Variants in TRAPPC9 observed in about 807,000 individuals in gnomAD.
The protein encoded by TRAPPC9 is trafficking protein particle complex subunit 9.
A neutral mutation model predicts 124.0 loss-of-function variants in TRAPPC9; 83 were observed. The observed-to-expected ratio is 0.67, with a 90% CI of 0.56 to 0.80. The LOEUF (loss-of-function observed/expected upper bound fraction) is 0.80. Ranked by LOEUF, TRAPPC9 falls within the 30% of genes least tolerant of loss-of-function variation. The pLI, the probability that TRAPPC9 is intolerant of heterozygous loss-of-function variation, is 0.00. For missense variants in TRAPPC9, 1,302 were observed against 1,508.3 expected, an observed-to-expected ratio of 0.86 and a Z score of 2.27; for synonymous variants, 638 against 617.5, an observed-to-expected ratio of 1.03 and a Z score of -0.49.
At chr8:140,153,012 T>C (rs2061572005) in intron 17 of TRAPPC9, among the ~76,000 whole-genome samples, 1 of 152,218 alleles carries the variant, frequency 6.6e-6, no homozygotes, top group South Asian at 2.1e-4. Flanking sequence ...CTGAGGGTTT[T>C]TCAAAGTTAT....
chr8:140,205,826 C>T (rs1429861299), intron 17 of TRAPPC9, among the ~76,000 whole-genome samples: 2 of 152,222 alleles, frequency 1.3e-5, no homozygotes, highest in Non-Finnish European at 2.9e-5. Context: ...TGCAACCATT[C>T]TTGTCCTTTC....
At chr8:139,853,444 T>G (rs1586991138) in intron 21 of TRAPPC9, among the ~76,000 whole-genome samples, 1 of 151,998 alleles carries the variant, frequency 6.6e-6, no homozygotes, top group African/African-American at 2.4e-5. Flanking sequence ...GCCCCACAGG[T>G]GGAAGGGACT....
At chr8:139,759,736 C>T (rs1333206930) in intron 21 of TRAPPC9, among the ~76,000 whole-genome samples, 1 of 152,214 alleles carries the variant, frequency 6.6e-6, no homozygotes, top group Non-Finnish European at 1.5e-5. Context: ...AACTCTAGAT[C>T]CAGCTGCCAC....
At chr8:140,367,827 G>A (rs936250910) in intron 8 of TRAPPC9, among the ~76,000 whole-genome samples, 1 of 152,160 alleles carries the variant, frequency 6.6e-6, no homozygotes, top group South Asian at 2.1e-4. Flanking sequence ...GCGTCTGCAA[G>A]GGCAGGAGGT....
At chr8:139,769,817 T>C (rs753965196) in intron 21 of TRAPPC9, among the ~76,000 whole-genome samples, 3 of 152,238 alleles carry the variant, frequency 2.0e-5, no homozygotes, top group Non-Finnish European at 2.9e-5. Flanking sequence ...TTTGTACAAA[T>C]TGTTTAAAAC....
chr8:139,830,934 G>A lies in TRAPPC9; in HGVS notation c.3055+54945C>T, dbSNP rs1001783595. On this transcript the variant is annotated intron_variant, in intron 21 of 22. Transcript: ENST00000438773. ...GTTATTGAACAGTGATGAAGTGCACGGCAGCAAGCTCCATCGCTGGCCGCG... is the reference window on the plus strand; with the variant it reads ...GTTATTGAACAGTGATGAAGTGCACAGCAGCAAGCTCCATCGCTGGCCGCG... Among the ~76,000 whole-genome samples the A allele has an allele frequency of 3.2e-4, 48 of 152,242 alleles. 1 individual carries two copies. Among genetic ancestry groups the A allele is most frequent in the African/African-American group, 1.7e-4 (7 of 41,470 alleles).
chr8:140,129,292 C>T (rs990849387), intron 17 of TRAPPC9, among the ~76,000 whole-genome samples: 2 of 151,962 alleles, frequency 1.3e-5, no homozygotes, highest in East Asian at 1.9e-4. Context: ...CAAGGTGAGG[C>T]GGCACCGACT....
chr8:140,401,907 T>C (rs1301587101), intron 6 of TRAPPC9, among the ~76,000 whole-genome samples: 1 of 151,376 alleles, frequency 6.6e-6, no homozygotes, highest in African/African-American at 2.4e-5. Context: ...ATTACAGGCA[T>C]GAGCCATTGC....
chr8:139,768,992 C>T (rs1386750973), intron 21 of TRAPPC9, among the ~76,000 whole-genome samples: 4 of 152,184 alleles, frequency 2.6e-5, no homozygotes, highest in Non-Finnish European at 5.9e-5. Context: ...GGCCAAGGAG[C>T]GAGGCCTCAG....
intron 20 of TRAPPC9, among the ~76,000 whole-genome samples, chr8:139,899,644 CAA>C (rs1026591334): frequency 3.9e-5 from 6 of 152,270 alleles, no homozygotes; most frequent in Middle Eastern, 3.4e-3. Context: ...TAATTACCCC[CAA>C]GAGAGAGGCC....
chr8:140,159,391 T>C (rs902801431), intron 17 of TRAPPC9, among the ~76,000 whole-genome samples: 10 of 152,108 alleles, frequency 6.6e-5, no homozygotes, highest in South Asian at 2.1e-4. Flanking sequence ...TGTTGAATTA[T>C]TGACCATCGC....
intron 21 of TRAPPC9, among the ~76,000 whole-genome samples, chr8:139,857,661 G>C (rs374571105): frequency 6.6e-6 from 1 of 152,188 alleles, no homozygotes; most frequent in Non-Finnish European, 1.5e-5. Flanking sequence ...GCATGGGGCC[G>C]TCTGACCACC....
At chr8:140,064,847 A>G (rs1322958122) in intron 17 of TRAPPC9, among the ~76,000 whole-genome samples, 2 of 151,380 alleles carry the variant, frequency 1.3e-5, no homozygotes, top group Non-Finnish European at 2.9e-5. Flanking sequence ...TATACAAAAG[A>G]CTCCCCCCAT....
intron 21 of TRAPPC9, among the ~76,000 whole-genome samples, chr8:139,739,620 C>G (rs1373275260): frequency 1.3e-5 from 2 of 152,238 alleles, no homozygotes; most frequent in Non-Finnish European, 2.9e-5. Flanking sequence ...TCCTGACGGT[C>G]AGGACTTGGC....
chr8:140,310,964 C>T (rs1407354869), intron 10 of TRAPPC9, among the ~76,000 whole-genome samples: 3 of 151,978 alleles, frequency 2.0e-5, no homozygotes, highest in Non-Finnish European at 2.9e-5. Flanking sequence ...GTGTAGTGGT[C>T]GCAAGGCAGG....
At chr8:140,072,781 A>T (rs570789271) in intron 17 of TRAPPC9, among the ~76,000 whole-genome samples, 1 of 152,280 alleles carries the variant, frequency 6.6e-6, no homozygotes, top group Admixed American at 6.5e-5. Context: ...GTATATATAT[A>T]TCTTCACTAG....
intron 19 of TRAPPC9, among the ~76,000 whole-genome samples, chr8:139,935,278 C>T (rs893971329): frequency 3.9e-5 from 6 of 152,178 alleles, no homozygotes; most frequent in African/African-American, 7.2e-5. Context: ...AAAAATTACA[C>T]GTGCTTTTGT....
intron 21 of TRAPPC9, among the ~76,000 whole-genome samples, chr8:139,885,555 G>C (rs1829950698): frequency 6.6e-6 from 1 of 152,168 alleles, no homozygotes; most frequent in South Asian, 2.1e-4. Flanking sequence ...CATTTCGGAA[G>C]ACGGCCCACT....
chr8:140,099,518 CA>C (rs1380672807), intron 17 of TRAPPC9: 1 of 150,800 alleles, frequency 6.6e-6, no homozygotes, highest in East Asian at 2.0e-4. Context: ...CCGGGATCCA[CA>C]AAGTAATGAC....
Sources: allele counts gnomAD v4.1 joint callset (sites outside exome capture counted in the v4.1 genomes callset), GRCh38; gene constraint gnomAD v4.1.1; transcripts MANE v1.5; gene names NCBI Gene and HGNC (gene_info 2026-07-23, HGNC 2026-07-21).